TVP23A: variants seen among roughly 807,000 people sequenced by gnomAD.
The protein encoded by TVP23A is Golgi apparatus membrane protein TVP23 homolog A.
In TVP23A, 21 loss-of-function variants were observed where a neutral mutation model predicts 31.7. That is an observed-to-expected ratio of 0.66 (90% CI 0.47 to 0.95). TVP23A has a LOEUF of 0.95. TVP23A is among the 40% of genes least tolerant of loss of function. TVP23A has a pLI of 0.00. For synonymous variants in TVP23A, 104 were observed against 96.0 expected, an observed-to-expected ratio of 1.08 and a Z score of -0.49; for missense variants, 279 against 255.6, an observed-to-expected ratio of 1.09 and a Z score of -0.62.
Position 10,768,980 on chromosome 16 carries a change from C to A in TVP23A, c.*122G>T. The A allele has an allele frequency of 7.0e-7, 1 of 1,424,212 alleles. No individual in the cohort carries two copies. The highest frequency in any genetic ancestry group is 1.7e-5 in the Admixed American group (1 of 59,242). The allele number at this position is 1,424,212 out of a possible 1,614,324, so 88.2% of individuals were successfully genotyped here. A position where few individuals can be genotyped will look rare whatever the true frequency, so the allele number is the denominator to read the frequency against. ...CCTGTCAAAACACAGCCCTCCCCAGCACAGGACAGGGCTGTCAAGGGGTAG... is the reference window on the plus strand; with the variant it reads ...CCTGTCAAAACACAGCCCTCCCCAGAACAGGACAGGGCTGTCAAGGGGTAG... On this transcript the variant is annotated 3_prime_UTR_variant, in exon 8 of 8. Coordinates refer to ENST00000299866, the MANE Select transcript of TVP23A (RefSeq NM_001079512.4). The surrounding 1 kb of genome is among the most constrained non-coding windows in gnomAD (Gnocchi z 4.3).
chr16:10,781,256 G>A (rs1173644173), intron 2 of TVP23A, among the ~76,000 whole-genome samples: 2 of 151,914 alleles, frequency 1.3e-5, no homozygotes, highest in Non-Finnish European at 2.9e-5. Flanking sequence ...TTGAACCTGG[G>A]AGGTGGAGGT....
chr16:10,784,084 C>T (rs2142956131), intron 2 of TVP23A, among the ~76,000 whole-genome samples: 1 of 152,120 alleles, frequency 6.6e-6, no homozygotes, highest in African/African-American at 2.4e-5. Context: ...CCTACAATCC[C>T]AGCACTTTGG....
intron 2 of TVP23A, among the ~76,000 whole-genome samples, chr16:10,811,036 C>T (rs1232290745): frequency 3.3e-5 from 5 of 152,052 alleles, no homozygotes; most frequent in Non-Finnish European, 5.9e-5. Context: ...ATGAAATGTC[C>T]GGAACAGGCA....
Position 10,771,684 on chromosome 16 carries a change from T to A in TVP23A, c.568A>T (p.Thr190Ser), listed in dbSNP as rs374042646. The A allele has an allele frequency of 1.2e-6, 2 of 1,613,776 alleles. No homozygotes were observed. Among genetic ancestry groups the A allele is most frequent in the Non-Finnish European group, 1.7e-6 (2 of 1,179,872 alleles). The change falls in exon 6 of 8, where the codon ACA becomes TCA. Residue 190 changes from threonine (T) to serine (S), a missense_variant. Transcript: ENST00000299866. ...CAGTTACTCACCGTCTGGAACACTGTCTGGGACAGGAAACTGGCTGTGACC... is the reference window on the plus strand; with the variant it reads ...CAGTTACTCACCGTCTGGAACACTGACTGGGACAGGAAACTGGCTGTGACC... ...GKVTASFLSQ[T>S]VFQTACPGDF...
At chr16:10,806,702 A>C (rs2033962269) in intron 2 of TVP23A, among the ~76,000 whole-genome samples, 1 of 152,052 alleles carries the variant, frequency 6.6e-6, no homozygotes, top group Admixed American at 6.5e-5. Flanking sequence ...GGGTTTCACC[A>C]TGTTGCCTAG....
At position 10,767,840 on chromosome 16, in the gene TVP23A, C is replaced by T. The variant is rs1343763325; in HGVS notation, c.*1262G>A. The T allele has an allele frequency of 7.1e-6, 7 of 987,734 alleles. No homozygotes were observed. Among genetic ancestry groups the T allele is most frequent in the South Asian group, 4.1e-5 (3 of 73,624 alleles). The allele number at this position is 987,734 out of a possible 1,614,324, so 61.2% of individuals were successfully genotyped here. Reference sequence around the variant, plus strand: ...ACTTTGTTCTTCATTACGAGTGAAGCGGGCTCAAGATCTTCCCATTGTCAC... The same window carrying T: ...ACTTTGTTCTTCATTACGAGTGAAGTGGGCTCAAGATCTTCCCATTGTCAC... On this transcript the variant is annotated 3_prime_UTR_variant, in exon 8 of 8. Transcript: ENST00000299866. This position sits in a 1 kb window ranked among gnomAD's most constrained non-coding sequence, Gnocchi z 4.6.
At chr16:10,808,310 T>C in intron 2 of TVP23A, among the ~76,000 whole-genome samples, 1 of 152,114 alleles carries the variant, frequency 6.6e-6, no homozygotes, top group Middle Eastern at 3.2e-3. Flanking sequence ...GCAGATAAAG[T>C]GATGGCTAAA....
At chr16:10,763,357 G>A (rs527986008), downstream of TVP23A, among the ~76,000 whole-genome samples, 12 of 152,168 alleles carry the variant, frequency 7.9e-5, no homozygotes, top group Admixed American at 4.6e-4. Flanking sequence ...TGGTAGGGGG[G>A]TAGGGTGCGA....
Position 10,767,384 on chromosome 16 carries a change from C to G in TVP23A, c.*1718G>C, listed in dbSNP as rs1210250051. On this transcript the variant is annotated 3_prime_UTR_variant, in exon 8 of 8. Transcript: ENST00000299866. The surrounding 1 kb of genome is among the most constrained non-coding windows in gnomAD (Gnocchi z 4.6). ...ACTGATAGACACCAGCACAGATGAC[C>G]TGGAAGATAAAATTATACACAGACA... 5 of 400,640 alleles carry G rather than the reference C, an allele frequency of 1.2e-5. No homozygotes were observed. Among genetic ancestry groups the G allele is most frequent in the Non-Finnish European group, 2.2e-5 (5 of 227,648 alleles). 24.8% of individuals were successfully genotyped at this position (400,640 alleles called of 1,614,324 possible). A position where few individuals can be genotyped will look rare whatever the true frequency, so the allele number is the denominator to read the frequency against.
intron 2 of TVP23A, among the ~76,000 whole-genome samples, chr16:10,794,445 A>G (rs776019202): frequency 2.0e-5 from 3 of 152,120 alleles, no homozygotes; most frequent in Non-Finnish European, 2.9e-5. Context: ...AGTTCCAAGT[A>G]AGGTTCAGTA....
At chr16:10,796,348 AG>A (rs1325242788) in intron 2 of TVP23A, among the ~76,000 whole-genome samples, 6 of 152,202 alleles carry the variant, frequency 3.9e-5, no homozygotes, top group African/African-American at 1.4e-4. Context: ...CTCAAAAAAA[AG>A]AACAATTTAA....
Position 10,775,045 on chromosome 16 carries a change from G to A in TVP23A, c.141C>T (p.Val47=). 6.2e-7 allele frequency: 1 copy of A among 1,612,072 alleles called. No individual in the cohort carries two copies. The highest frequency in any genetic ancestry group is 1.3e-5 in the African/African-American group (1 of 75,004). The change falls in exon 3 of 8, where the codon GTC becomes GTT. Residue 47 remains valine (V), a synonymous_variant. Transcript: ENST00000299866. ...FHLFFRVSAI[V]TYVSCDWFSK... Reference sequence around the variant, plus strand: ...TGAACCAGTCGCAGCTCACGTAGGTGACGATGGCACTCACTCGGAAAAACA... The same window carrying A: ...TGAACCAGTCGCAGCTCACGTAGGTAACGATGGCACTCACTCGGAAAAACA...
chr16:10,767,539 C>T lies in TVP23A; in HGVS notation c.*1563G>A, dbSNP rs1173124375. 2 of 445,446 alleles carry T rather than the reference C, an allele frequency of 4.5e-6. No homozygotes were observed. The highest frequency in any genetic ancestry group is 7.8e-6 in the Non-Finnish European group (2 of 254,904). The allele number at this position is 445,446 out of a possible 1,614,324, so 27.6% of individuals were successfully genotyped here. A position where few individuals can be genotyped will look rare whatever the true frequency, so the allele number is the denominator to read the frequency against. ...GCGCATAATCTTTCTGGAAAGACACCTAGAACACTAGTAGCCCTTTTCGGA... is the reference window on the plus strand; with the variant it reads ...GCGCATAATCTTTCTGGAAAGACACTTAGAACACTAGTAGCCCTTTTCGGA... On this transcript the variant is annotated 3_prime_UTR_variant, in exon 8 of 8. Coordinates refer to ENST00000299866, the MANE Select transcript of TVP23A (RefSeq NM_001079512.4). This position sits in a 1 kb window ranked among gnomAD's most constrained non-coding sequence, Gnocchi z 4.6.
chr16:10,807,806 G>A (rs1011024983), intron 2 of TVP23A, among the ~76,000 whole-genome samples: 4 of 152,152 alleles, frequency 2.6e-5, no homozygotes, highest in South Asian at 2.1e-4. Context: ...TGAGTGTCTC[G>A]CCCTGTGAGT....
In TVP23A at chr16:10,818,028, T is replaced by C; in HGVS notation, c.89+75A>G. 1 of 1,291,280 alleles carries C rather than the reference T, an allele frequency of 7.7e-7. No individual in the cohort carries two copies. The highest frequency in any genetic ancestry group is 1.5e-5 in the African/African-American group (1 of 68,094). 80.0% of individuals were successfully genotyped at this position (1,291,280 alleles called of 1,614,324 possible). ...GCACACAGTAGGTGCTCAATATATT[T>C]TGAATGAATGAGTGAGTAAATGAAT... On this transcript the variant is annotated intron_variant, in intron 2 of 7. Coordinates refer to ENST00000299866, the MANE Select transcript of TVP23A (RefSeq NM_001079512.4). The surrounding 1 kb of genome is among the most constrained non-coding windows in gnomAD (Gnocchi z 4.7).
In TVP23A at chr16:10,800,757, T is replaced by G. The variant is rs145923965; in HGVS notation, c.89+17346A>C. On this transcript the variant is annotated intron_variant, in intron 2 of 7. Transcript: ENST00000299866. ...CCAGCACTTTGGGAGGCTGAGGTGGTTGGATCGCTTGAGCTCAGGAGTTCA... is the reference window on the plus strand; with the variant it reads ...CCAGCACTTTGGGAGGCTGAGGTGGGTGGATCGCTTGAGCTCAGGAGTTCA... Among the ~76,000 whole-genome samples the G allele has an allele frequency of 9.7e-3, 1,469 of 152,000 alleles. 28 individuals are homozygous for G. Among genetic ancestry groups the G allele is most frequent in the African/African-American group, 0.033 (1,389 of 41,464 alleles).
chr16:10,781,850 CTTTTTTTTTTTTTTT>C (rs144933462), intron 2 of TVP23A, among the ~76,000 whole-genome samples: 5 of 90,936 alleles, frequency 5.5e-5, no homozygotes, highest in Admixed American at 2.4e-4. Flanking sequence ...CTAACACAAT[CTTTTTTTTTTTTTTT>C]TTTTTTTTTT....
intron 2 of TVP23A, among the ~76,000 whole-genome samples, chr16:10,810,411 G>A (rs1370810858): frequency 1.3e-5 from 2 of 151,970 alleles, no homozygotes; most frequent in African/African-American, 4.8e-5. Context: ...GGCAGGCGTG[G>A]TGGTGCATGC....
chr16:10,766,201 C>G (rs2030852718), downstream of TVP23A: 1 of 152,392 alleles, frequency 6.6e-6, no homozygotes, highest in Non-Finnish European at 1.5e-5. This position sits in a 1 kb window ranked among gnomAD's most constrained non-coding sequence, Gnocchi z 4.8. Flanking sequence ...TCCGCCACCA[C>G]TAGCTGTGGG....
Sources: gnomAD v4.1 joint callset for allele counts (sites outside exome capture counted in the v4.1 genomes callset) on GRCh38, gnomAD v4.1.1 for gene constraint, Gnocchi (gnomAD v3.1) non-coding constraint, MANE v1.5 for transcripts, NCBI Gene and HGNC (gene_info 2026-07-23, HGNC 2026-07-21) for gene names.